The following RBFOX1 variants were observed in gnomAD, a reference collection of about 807,000 sequenced individuals.
RBFOX1 encodes RNA binding protein fox-1 homolog 1.
A neutral mutation model predicts 57.7 loss-of-function variants in RBFOX1; 8 were observed. The observed-to-expected ratio is 0.14, with a 90% CI of 0.08 to 0.25. The LOEUF (loss-of-function observed/expected upper bound fraction) is 0.25. Ranked by LOEUF, RBFOX1 falls within the 10% of genes least tolerant of loss-of-function variation. RBFOX1 has a pLI of 1.00. For missense variants in RBFOX1, 611 were observed against 548.5 expected (o/e 1.11, Z -1.14); for synonymous variants, 326 against 222.4 (o/e 1.47, Z -4.15).
chr16:6,900,502 C>T (rs1277225917), intron 3 of RBFOX1, among the ~76,000 whole-genome samples: 1 of 152,194 alleles, frequency 6.6e-6, no homozygotes, highest in Non-Finnish European at 1.5e-5. Flanking sequence ...ATTGCATGGC[C>T]TTGGATGGTC....
chr16:5,667,692 A>G (rs759807986), intron 3 of RBFOX1, among the ~76,000 whole-genome samples: 9 of 152,046 alleles, frequency 5.9e-5, no homozygotes, highest in Non-Finnish European at 1.2e-4. Flanking sequence ...TATCCTTTCT[A>G]GTTGGTGTTT....
intron 3 of RBFOX1, among the ~76,000 whole-genome samples, chr16:5,778,755 C>T (rs757634429): frequency 6.6e-6 from 1 of 152,072 alleles, no homozygotes; most frequent in Non-Finnish European, 1.5e-5. Flanking sequence ...AAGAGTTTTC[C>T]CCTAGTTTGA....
chr16:6,049,053 CTTT>C (rs534794320), intron 1 of RBFOX1, among the ~76,000 whole-genome samples: 6 of 112,862 alleles, frequency 5.3e-5, no homozygotes, highest in African/African-American at 1.0e-4. Flanking sequence ...CTTCTAACAG[CTTT>C]TTTTTTTTTT....
intron 11 of RBFOX1, among the ~76,000 whole-genome samples, chr16:7,642,547 C>T (rs1443485453): frequency 6.6e-6 from 1 of 152,212 alleles, no homozygotes; most frequent in Admixed American, 6.5e-5. Context: ...TAATTTATCT[C>T]ACTTGCCCTG....
At chr16:7,046,655 G>A (rs572620814) in intron 3 of RBFOX1, among the ~76,000 whole-genome samples, 1 of 128,844 alleles carries the variant, frequency 7.8e-6, no homozygotes, top group African/African-American at 3.0e-5. Flanking sequence ...GTCTCAGTCT[G>A]TGTGCAATGG....
intron 4 of RBFOX1, among the ~76,000 whole-genome samples, chr16:5,923,576 G>A (rs9938913): frequency 7.0e-6 from 1 of 143,126 alleles, no homozygotes; most frequent in East Asian, 2.1e-4. Flanking sequence ...GAGCCTTGCT[G>A]TGTGGCCCAG....
intron 1 of RBFOX1, among the ~76,000 whole-genome samples, chr16:6,314,010 G>A (rs1182990572): frequency 2.0e-5 from 3 of 152,050 alleles, no homozygotes; most frequent in Non-Finnish European, 4.4e-5. Flanking sequence ...GGAAAGGAGG[G>A]GCTATAAAAT....
At chr16:5,785,194 C>T (rs2054459146) in intron 3 of RBFOX1, among the ~76,000 whole-genome samples, 3 of 152,214 alleles carry the variant, frequency 2.0e-5, no homozygotes, top group Non-Finnish European at 4.4e-5. Context: ...TGTGGTATCT[C>T]TTTCCCCTGT....
At chr16:7,337,279 A>G (rs1250313284) in intron 4 of RBFOX1, among the ~76,000 whole-genome samples, 1 of 152,180 alleles carries the variant, frequency 6.6e-6, no homozygotes, top group African/African-American at 2.4e-5. Flanking sequence ...TTATGAAAAC[A>G]CAGGAAAGGA....
intron 1 of RBFOX1, among the ~76,000 whole-genome samples, chr16:5,256,982 CT>C (rs760985010): frequency 4.0e-5 from 6 of 151,860 alleles, no homozygotes; most frequent in Non-Finnish European, 5.9e-5. Context: ...CATCTCTCTC[CT>C]GGGGGAGGCA....
At chr16:5,818,604 T>A (rs8058966) in intron 3 of RBFOX1, among the ~76,000 whole-genome samples, 2,327 of 152,326 alleles carry the variant, frequency 0.015, 57 homozygotes, top group African/African-American at 0.053. Flanking sequence ...ATATTTACTT[T>A]GTTAGTTTTG....
At chr16:7,007,724 A>C (rs1468887818) in intron 3 of RBFOX1, among the ~76,000 whole-genome samples, 1 of 152,206 alleles carries the variant, frequency 6.6e-6, no homozygotes, top group Non-Finnish European at 1.5e-5. Flanking sequence ...TATACAGGGT[A>C]AACTCCCATG....
chr16:6,023,049 G>T (rs907452880), intron 1 of RBFOX1, among the ~76,000 whole-genome samples: 1 of 152,092 alleles, frequency 6.6e-6, no homozygotes, highest in Non-Finnish European at 1.5e-5. Flanking sequence ...AGGGTCTCAG[G>T]GGCCAGGGAA....
At chr16:5,509,571 G>T (rs574245461) in intron 2 of RBFOX1, among the ~76,000 whole-genome samples, 4 of 152,214 alleles carry the variant, frequency 2.6e-5, no homozygotes, top group Admixed American at 2.6e-4. Flanking sequence ...TGTTGTTAGA[G>T]TCTTTGTCTC....
rs796099960 is a variant in RBFOX1 at position 6,500,896 on chromosome 16, T to TGTTTGTTTGTTTGTTTGTTTG, written c.-63-153707_-63-153706insGTTTGTTTGTTTGTTTGTTTG. Among the ~76,000 whole-genome samples the TGTTTGTTTGTTTGTTTGTTTG allele has an allele frequency of 7.2e-3, 1,029 of 142,372 alleles. 30 individuals are homozygous for TGTTTGTTTGTTTGTTTGTTTG. In the East Asian group the frequency reaches 0.093, roughly 13 times the overall value. 93.4% of individuals were successfully genotyped at this position (142,372 alleles called of 152,430 possible). On this transcript the variant is annotated intron_variant, in intron 2 of 15. Coordinates refer to ENST00000550418, the MANE Select transcript of RBFOX1 (RefSeq NM_018723.4). ...GAGTAGTTTTTTTTTTTTTTTTTTT[T>TGTTTGTTTGTTTGTTTGTTTG]TTTTTAATGCTGAGACATCCTCTGT...
At chr16:6,192,490 A>G (rs2097148270) in intron 1 of RBFOX1, among the ~76,000 whole-genome samples, 1 of 151,470 alleles carries the variant, frequency 6.6e-6, no homozygotes, top group Non-Finnish European at 1.5e-5. Context: ...CTTCCTCCCA[A>G]CACCCCCATA....
chr16:6,905,299 A>G (rs1237729126), intron 3 of RBFOX1, among the ~76,000 whole-genome samples: 3 of 152,068 alleles, frequency 2.0e-5, no homozygotes, highest in Admixed American at 6.6e-5. Flanking sequence ...CATTCCTGTA[A>G]TCCTAGAACT....
chr16:5,658,537 C>T (rs1040380464), intron 3 of RBFOX1, among the ~76,000 whole-genome samples: 1 of 152,078 alleles, frequency 6.6e-6, no homozygotes, highest in African/African-American at 2.4e-5. Flanking sequence ...CATTCGTTCT[C>T]TGGGTATTAC....
chr16:7,319,281 T>C (rs1222497838), intron 4 of RBFOX1, among the ~76,000 whole-genome samples: 4 of 152,234 alleles, frequency 2.6e-5, no homozygotes, highest in Admixed American at 6.5e-5. Context: ...TTGGGGGAGA[T>C]GTAAATGAAT....
Sources: gnomAD v4.1 joint callset for allele counts (sites outside exome capture counted in the v4.1 genomes callset) on GRCh38, gnomAD v4.1.1 for gene constraint, MANE v1.5 for transcripts, NCBI Gene and HGNC (gene_info 2026-07-23, HGNC 2026-07-21) for gene names.